GLUD1: variants seen among roughly 807,000 people sequenced by gnomAD.
GLUD1 encodes the protein glutamate dehydrogenase 1.
Under a neutral mutation model 56.0 loss-of-function variants are expected in GLUD1, and 22 were observed. That is an observed-to-expected ratio of 0.39 (90% CI 0.28 to 0.56). The LOEUF (loss-of-function observed/expected upper bound fraction) is 0.56. Ranked by LOEUF, GLUD1 falls within the 20% of genes least tolerant of loss-of-function variation. The pLI, the probability that GLUD1 is intolerant of heterozygous loss-of-function variation, is 0.58. For missense variants in GLUD1, 451 were observed against 732.0 expected (o/e 0.62, Z 4.43); for synonymous variants, 223 against 269.9 (o/e 0.83, Z 1.70).
intron 1 of GLUD1, among the ~76,000 whole-genome samples, chr10:87,082,751 A>C (rs564382313): frequency 8.5e-4 from 129 of 152,310 alleles, no homozygotes; most frequent in African/African-American, 3.0e-3. Context: ...AAAACAAAAA[A>C]TTTTAAAGTG....
intron 1 of GLUD1, among the ~76,000 whole-genome samples, chr10:87,086,978 AG>A (rs1204685623): frequency 6.6e-6 from 1 of 152,164 alleles, no homozygotes; most frequent in Non-Finnish European, 1.5e-5. Context: ...ACTGACTACC[AG>A]GGTTAGCACA....
Position 87,060,248 on chromosome 10 carries a change from G to A in GLUD1, c.1198-7C>T, listed in dbSNP as rs780203435. 2.1e-5 allele frequency: 33 copies of A among 1,590,548 alleles called. No homozygotes were observed. Among genetic ancestry groups the A allele is most frequent in the Non-Finnish European group, 2.4e-5 (28 of 1,158,576 alleles). On this transcript the variant is annotated splice_region_variant and splice_polypyrimidine_tract_variant and intron_variant, in intron 8 of 12. Coordinates refer to ENST00000277865, the MANE Select transcript of GLUD1 (RefSeq NM_005271.5). Reference sequence around the variant, plus strand: ...TGGCACCTTCAGCAATGATCTGCAAGAGAGTCAGGAACATAGAGAAATGCG... The same window carrying A: ...TGGCACCTTCAGCAATGATCTGCAAAAGAGTCAGGAACATAGAGAAATGCG...
At chr10:87,066,102 A>G (rs1290208596) in intron 5 of GLUD1, among the ~76,000 whole-genome samples, 2 of 152,166 alleles carry the variant, frequency 1.3e-5, no homozygotes, top group Non-Finnish European at 2.9e-5. Context: ...TATCTCTTGC[A>G]CCGGTAAATC....
chr10:87,068,213 AAC>A, intron 4 of GLUD1, 56 bp from the exon 5 acceptor site: 1 of 1,049,046 alleles, frequency 9.5e-7, no homozygotes, highest in South Asian at 1.3e-5. Flanking sequence ...ATTCTTCTCG[AAC>A]ACAAAGATCC....
intron 1 of GLUD1, among the ~76,000 whole-genome samples, chr10:87,089,004 G>A (rs1197206601): frequency 3.9e-5 from 6 of 152,092 alleles, no homozygotes; most frequent in Admixed American, 2.6e-4. Flanking sequence ...AGGGGAAAAA[G>A]GTTATTTCAT....
At chr10:87,056,385 C>T (rs1159077711) in intron 11 of GLUD1, among the ~76,000 whole-genome samples, 1 of 151,224 alleles carries the variant, frequency 6.6e-6, no homozygotes, top group African/African-American at 2.4e-5. Flanking sequence ...CCTCTGCCTC[C>T]TGGGTTCAAG....
At chr10:87,062,615 C>T (rs569934538) in intron 6 of GLUD1, 41 bp downstream of exon 6, 1 of 1,384,002 alleles carries the variant, frequency 7.2e-7, no homozygotes, top group Non-Finnish European at 1.0e-6. Flanking sequence ...TACTTAATGT[C>T]TATCAGTTAT....
chr10:87,062,112 T>C (rs1157603309), intron 6 of GLUD1, among the ~76,000 whole-genome samples: 1 of 152,172 alleles, frequency 6.6e-6, no homozygotes, highest in Non-Finnish European at 1.5e-5. Context: ...GAGACAGGGT[T>C]TCACCATGTT....
intron 1 of GLUD1, among the ~76,000 whole-genome samples, chr10:87,088,597 A>C (rs1841441360): frequency 6.6e-6 from 1 of 152,228 alleles, no homozygotes; most frequent in Non-Finnish European, 1.5e-5. Flanking sequence ...AATATCTTTT[A>C]AAAGTCCTAT....
Position 87,094,080 on chromosome 10 carries a change from G to C in GLUD1, c.445+245C>G. 1 of 1,515,602 alleles carries C rather than the reference G, an allele frequency of 6.6e-7. No individual in the cohort carries two copies. The highest frequency in any genetic ancestry group is 8.8e-7 in the Non-Finnish European group (1 of 1,134,208). The allele number at this position is 1,515,602 out of a possible 1,614,324, so 93.9% of individuals were successfully genotyped here. A position where few individuals can be genotyped will look rare whatever the true frequency, so the allele number is the denominator to read the frequency against. On this transcript the variant is annotated intron_variant, in intron 1 of 12. Transcript: ENST00000277865. The surrounding 1 kb of genome is among the most constrained non-coding windows in gnomAD (Gnocchi z 6.6). ...AGCGTCTACTCTGCATGCAAGATCA[G>C]CATATACAGAGGCCCGGGGTGACGG...
At chr10:87,055,311 A>C (rs1845741339) in intron 11 of GLUD1, among the ~76,000 whole-genome samples, 1 of 152,104 alleles carries the variant, frequency 6.6e-6, no homozygotes, top group South Asian at 2.1e-4. Flanking sequence ...TAAGGAGGGA[A>C]GTGAGGGCAC....
intron 11 of GLUD1, among the ~76,000 whole-genome samples, chr10:87,056,518 C>T (rs1845780228): frequency 1.3e-5 from 2 of 152,158 alleles, no homozygotes; most frequent in South Asian, 2.1e-4. Context: ...TGGTCTTGAA[C>T]TCCTGAACTC....
intron 1 of GLUD1, among the ~76,000 whole-genome samples, chr10:87,084,419 AT>A (rs1841334919): frequency 6.6e-6 from 1 of 152,260 alleles, no homozygotes; most frequent in Non-Finnish European, 1.5e-5. Flanking sequence ...TCTAGGAGAA[AT>A]AAAAATCAAA....
chr10:87,087,515 C>A (rs1272215245), intron 1 of GLUD1, among the ~76,000 whole-genome samples: 1 of 152,138 alleles, frequency 6.6e-6, no homozygotes, highest in East Asian at 1.9e-4. Flanking sequence ...CTTGAAGCTA[C>A]CCAGAAGCCC....
rs529941010 is a variant in GLUD1, at chr10:87,080,997, C to G, written c.446-4341G>C. Among the ~76,000 whole-genome samples the G allele has an allele frequency of 3.5e-5, 5 of 141,494 alleles. No individual in the cohort carries two copies. The East Asian group carries it at 1.1e-3, about 30-fold the overall frequency. 92.8% of individuals were successfully genotyped at this position (141,494 alleles called of 152,430 possible). On this transcript the variant is annotated intron_variant, in intron 1 of 12. Transcript: ENST00000277865. ...GGGGGTCAGCCCCCCGCCCGGCCAG[C>G]CGCCCCGTCCGGGAGGGAGGTGGGG...
intron 12 of GLUD1, among the ~76,000 whole-genome samples, chr10:87,052,132 T>C (rs1047396952): frequency 6.6e-6 from 1 of 152,144 alleles, no homozygotes; most frequent in Non-Finnish European, 1.5e-5. Context: ...GGCAGATCAC[T>C]TGAGCTCAGG....
intron 10 of GLUD1, among the ~76,000 whole-genome samples, chr10:87,058,708 T>C (rs1048557298): frequency 6.6e-6 from 1 of 152,116 alleles, no homozygotes; most frequent in Non-Finnish European, 1.5e-5. Context: ...CTGGCCAACA[T>C]GGTGAAACCC....
At chr10:87,069,643 T>C (rs1846175063) in intron 4 of GLUD1, among the ~76,000 whole-genome samples, 1 of 152,156 alleles carries the variant, frequency 6.6e-6, no homozygotes, top group Non-Finnish European at 1.5e-5. Flanking sequence ...CAGTATATTG[T>C]AATGTTTTTC....
chr10:87,092,727 T>C (rs932695617), intron 1 of GLUD1: 8 of 277,286 alleles, frequency 2.9e-5, no homozygotes, highest in Non-Finnish European at 4.4e-5. Context: ...GATTTATCTG[T>C]ACACCTTTTA....
Sources: gnomAD v4.1 joint callset for allele counts (sites outside exome capture counted in the v4.1 genomes callset) on GRCh38, gnomAD v4.1.1 for gene constraint, Gnocchi (gnomAD v3.1) non-coding constraint, MANE v1.5 for transcripts, NCBI Gene and HGNC (gene_info 2026-07-23, HGNC 2026-07-21) for gene names.